The following DAPK1 variants were observed in gnomAD, a reference collection of about 807,000 sequenced individuals.
The protein encoded by DAPK1 is death-associated protein kinase 1.
A neutral mutation model predicts 144.9 loss-of-function variants in DAPK1; 56 were observed. That is an observed-to-expected ratio of 0.39 (90% confidence interval 0.31 to 0.48). The LOEUF is 0.48. Ranked by LOEUF, DAPK1 falls within the 20% of genes least tolerant of loss-of-function variation. The pLI is 0.95. For synonymous variants in DAPK1, 690 were observed against 749.0 expected, an observed-to-expected ratio of 0.92 and a Z score of 1.29; for missense variants, 1,454 against 1,875.4, an observed-to-expected ratio of 0.78 and a Z score of 4.15.
intron 2 of DAPK1, among the ~76,000 whole-genome samples, chr9:87,591,164 T>A (rs1369074372): frequency 1.3e-5 from 2 of 152,202 alleles, no homozygotes; most frequent in African/African-American, 4.8e-5. Flanking sequence ...GCCCTGAAGT[T>A]TGTCAATGGC....
intron 3 of DAPK1, among the ~76,000 whole-genome samples, chr9:87,619,998 T>C (rs1356902052): frequency 6.6e-6 from 1 of 152,150 alleles, no homozygotes; most frequent in Non-Finnish European, 1.5e-5. Flanking sequence ...TACTCTGGCA[T>C]GCATGGGCCC....
At chr9:87,517,464 C>T (rs1825107118) in intron 2 of DAPK1, among the ~76,000 whole-genome samples, 1 of 152,104 alleles carries the variant, frequency 6.6e-6, no homozygotes, top group Non-Finnish European at 1.5e-5. Context: ...TCTGTGTGCC[C>T]ATCTTTCCTA....
chr9:87,704,256 T>TA (rs1018778512), intron 25 of DAPK1, among the ~76,000 whole-genome samples: 33 of 152,332 alleles, frequency 2.2e-4, no homozygotes, highest in African/African-American at 7.5e-4. Context: ...CTGCTGGATG[T>TA]AAAAAATGTG....
chr9:87,594,045 A>G (rs1296116531), intron 2 of DAPK1, among the ~76,000 whole-genome samples: 1 of 152,190 alleles, frequency 6.6e-6, no homozygotes, highest in Non-Finnish European at 1.5e-5. Flanking sequence ...CTGGCATAAC[A>G]GTAATCTGTA....
chr9:87,648,806 C>T lies in DAPK1; in HGVS notation c.1355C>T (p.Ala452Val). The T allele has an allele frequency of 6.2e-7, 1 of 1,614,248 alleles. No individual in the cohort carries two copies. The highest frequency in any genetic ancestry group is 8.5e-7 in the Non-Finnish European group (1 of 1,180,032). Residue 452 changes from alanine to valine, a missense_variant, in exon 15 of 26, where the codon GCA (alanine) becomes GTA (valine). By Grantham distance (64) the Ala-to-Val change is moderately conservative (BLOSUM62 0). This residue lies in a region of DAPK1 where 429 missense variants were observed against 637.5 expected (regional missense o/e 0.67). Coordinates refer to ENST00000408954, the MANE Select transcript of DAPK1 (RefSeq NM_004938.4). The stretch of plus-strand genomic sequence containing the variant: ...TCTGGAGAGATGGCCCTCCACGTGG[C>T]AGCTCGCTATGGCCATGCTGACGTG... Reference protein sequence around the residue: ...DKSGEMALHVAARYGHADVAQ... With the variant: ...DKSGEMALHVVARYGHADVAQ...
At chr9:87,559,755 G>A (rs896758015) in intron 2 of DAPK1, among the ~76,000 whole-genome samples, 2 of 152,148 alleles carry the variant, frequency 1.3e-5, no homozygotes, top group Non-Finnish European at 2.9e-5. Context: ...CAGTGAGCAG[G>A]CGAATGTCTA....
Position 87,651,599 on chromosome 9 carries a change from G to C in DAPK1, c.1699G>C (p.Gly567Arg), listed in dbSNP as rs1165961804. 4.3e-6 allele frequency: 7 copies of C among 1,614,178 alleles called. No homozygotes were observed. The highest frequency in any genetic ancestry group is 5.9e-6 in the Non-Finnish European group (7 of 1,180,026). The change falls in exon 17 of 26, where the codon GGG becomes CGG. Residue 567 changes from glycine to arginine, a missense_variant. Physicochemically the swap from Gly to Arg is moderately radical, Grantham distance 125. Transcript: ENST00000408954. The part of the protein sequence containing the change: ...MEVIKTLLSQ[G>R]CFVDYQDRHG... ...GGTAATCAAGACTCTCCTCAGCCAA[G>C]GGTGTTTCGTCGATTATCAAGACAG...
At chr9:87,698,592 T>A (rs1254724368) in intron 22 of DAPK1, 64 bp from the exon 23 acceptor site, 1 of 1,050,222 alleles carries the variant, frequency 9.5e-7, no homozygotes, top group African/African-American at 1.6e-5. Flanking sequence ...CGCCCTCACC[T>A]GGGCAGGAGA....
chr9:87,507,789 G>A (rs1187371960), intron 2 of DAPK1, among the ~76,000 whole-genome samples: 2 of 152,122 alleles, frequency 1.3e-5, no homozygotes, highest in Admixed American at 6.6e-5. Flanking sequence ...ATGGGTTTTG[G>A]CTGGGAAATT....
At chr9:87,552,711 C>T (rs1008602356) in intron 2 of DAPK1, among the ~76,000 whole-genome samples, 3 of 151,916 alleles carry the variant, frequency 2.0e-5, no homozygotes, top group African/African-American at 7.3e-5. Flanking sequence ...CCTGCCTCAG[C>T]CTCCCAAGTA....
chr9:87,651,235 G>A (rs1171839879), intron 16 of DAPK1, among the ~76,000 whole-genome samples: 1 of 152,226 alleles, frequency 6.6e-6, no homozygotes, highest in Non-Finnish European at 1.5e-5. Context: ...GGCCATTGGA[G>A]TATCAACAAT....
intron 3 of DAPK1, among the ~76,000 whole-genome samples, chr9:87,628,649 T>C (rs1829563506): frequency 6.6e-6 from 1 of 152,138 alleles, no homozygotes; most frequent in African/African-American, 2.4e-5. Context: ...TTGTAGTTCT[T>C]GGTTTATTTA....
At chr9:87,547,355 C>T (rs553065793) in intron 2 of DAPK1, among the ~76,000 whole-genome samples, 6 of 152,306 alleles carry the variant, frequency 3.9e-5, no homozygotes, top group South Asian at 4.1e-4. Flanking sequence ...TAGATCAACA[C>T]GGTTCAAAAG....
intron 3 of DAPK1, among the ~76,000 whole-genome samples, chr9:87,620,323 A>G (rs531753326): frequency 2.0e-5 from 3 of 152,068 alleles, no homozygotes; most frequent in Non-Finnish European, 4.4e-5. Flanking sequence ...CCCCTTTTCC[A>G]TCGCTTCCTC....
chr9:87,602,922 TTCTCTCTCTCTC>T (rs143584239), intron 2 of DAPK1, among the ~76,000 whole-genome samples: 1 of 146,420 alleles, frequency 6.8e-6, no homozygotes, highest in Non-Finnish European at 1.5e-5. Context: ...GTCTCTCTGT[TTCTCTCTCTCTC>T]TCTCTCTCTC....
Position 87,571,476 on chromosome 9 carries a change from A to ACACCCCCCAAC in DAPK1, c.63-33478_63-33477insCACCCCCCAAC, listed in dbSNP as rs771023885. Among the ~76,000 whole-genome samples the ACACCCCCCAAC allele has an allele frequency of 6.2e-5, 3 of 48,548 alleles. 1 individual carries two copies. Among genetic ancestry groups the ACACCCCCCAAC allele is most frequent in the African/African-American group, 2.8e-4 (3 of 10,862 alleles). 31.8% of individuals were successfully genotyped at this position (48,548 alleles called of 152,430 possible). A position where few individuals can be genotyped will look rare whatever the true frequency, so the allele number is the denominator to read the frequency against. ...ACACACACACACACACACACACACC[A>ACACCCCCCAAC]ACACACACACACACACACCCCAACA... On this transcript the variant is annotated intron_variant, in intron 2 of 25. Transcript: ENST00000408954.
intron 2 of DAPK1, among the ~76,000 whole-genome samples, chr9:87,604,043 A>T (rs2118954180): frequency 6.6e-6 from 1 of 152,234 alleles, no homozygotes; most frequent in South Asian, 2.1e-4. Flanking sequence ...GCCGGGGCTG[A>T]TCCAGTGACT....
intron 18 of DAPK1, among the ~76,000 whole-genome samples, chr9:87,662,559 A>AGTTTT (rs577502732): frequency 0.03 from 773 of 25,474 alleles, 43 homozygotes; most frequent in African/African-American, 0.061. Context: ...ATATATTCCT[A>AGTTTT]GTTTTTTTTT....
Position 87,686,125 on chromosome 9 carries a change from G to C in DAPK1, c.2225-426G>C, listed in dbSNP as rs914799003. Among the ~76,000 whole-genome samples the C allele has an allele frequency of 5.9e-5, 9 of 152,250 alleles. No homozygotes were observed. The highest frequency in any genetic ancestry group is 2.2e-4 in the African/African-American group (9 of 41,466). On this transcript the variant is annotated intron_variant, in intron 20 of 25. Transcript: ENST00000408954. The surrounding 1 kb of genome is among the most constrained non-coding windows in gnomAD (Gnocchi z 4.2). ...TGCAATAATAATCTCATGTGCAAGA[G>C]AGAGAAGTCGCTCAGTGGGAGCTGG...
Sources: gnomAD v4.1 joint callset for allele counts (sites outside exome capture counted in the v4.1 genomes callset) on GRCh38, gnomAD v4.1.1 for gene constraint, gnomAD v4.1.1 regional missense constraint, Gnocchi (gnomAD v3.1) non-coding constraint, MANE v1.5 for transcripts, NCBI Gene and HGNC (gene_info 2026-07-23, HGNC 2026-07-21) for gene names.